Variants in ARHGAP15 observed in about 807,000 individuals in gnomAD.
ARHGAP15 encodes the protein Rho GTPase activating protein 15, also known as rho GTPase-activating protein 15.
ARHGAP15 carries 51 observed loss-of-function variants against 63.7 expected under a neutral mutation model. The ratio of observed to expected loss-of-function variants is 0.80; its 90% CI spans 0.64 to 1.01. The LOEUF is 1.01. ARHGAP15 is among the 50% of genes least tolerant of loss of function. The pLI, the probability that ARHGAP15 is intolerant of heterozygous loss-of-function variation, is 0.00. For synonymous variants in ARHGAP15, 191 were observed against 193.8 expected, an observed-to-expected ratio of 0.99 and a Z score of 0.12; for missense variants, 560 against 564.6, an observed-to-expected ratio of 0.99 and a Z score of 0.08.
At chr2:143,541,690 C>T (rs980051020) in intron 10 of ARHGAP15, among the ~76,000 whole-genome samples, 4 of 152,168 alleles carry the variant, frequency 2.6e-5, no homozygotes, top group East Asian at 3.9e-4. Flanking sequence ...TGCAGAACAG[C>T]GGATATTGGT....
chr2:143,630,057 A>G (rs1026408156), intron 12 of ARHGAP15, among the ~76,000 whole-genome samples: 10 of 152,246 alleles, frequency 6.6e-5, no homozygotes, highest in Non-Finnish European at 1.5e-4. Flanking sequence ...GTCCTATGTC[A>G]TCTTATATAA....
chr2:143,320,083 C>G (rs560169755), intron 6 of ARHGAP15, among the ~76,000 whole-genome samples: 2 of 152,330 alleles, frequency 1.3e-5, no homozygotes, highest in Admixed American at 1.3e-4. Flanking sequence ...AACGTCTCCT[C>G]TGTCCTCATC....
At chr2:143,554,373 T>C (rs1284833450) in intron 10 of ARHGAP15, among the ~76,000 whole-genome samples, 3 of 152,150 alleles carry the variant, frequency 2.0e-5, no homozygotes, top group Non-Finnish European at 2.9e-5. Flanking sequence ...ATTTGTCTGC[T>C]TCCAAATCCA....
chr2:143,236,116 T>C, intron 5 of ARHGAP15: 1 of 1,023,374 alleles, frequency 9.8e-7, no homozygotes. Context: ...TCCTACCAGG[T>C]GTCATATAAT....
chr2:143,378,465 C>A (rs1686910515), intron 6 of ARHGAP15, among the ~76,000 whole-genome samples: 1 of 151,978 alleles, frequency 6.6e-6, no homozygotes, highest in African/African-American at 2.4e-5. Context: ...CTGGATCAAA[C>A]CCAATATCTT....
chr2:143,289,511 C>A (rs891885565), intron 6 of ARHGAP15, among the ~76,000 whole-genome samples: 1 of 152,090 alleles, frequency 6.6e-6, no homozygotes, highest in African/African-American at 2.4e-5. Context: ...AATTTCAAAT[C>A]TTTGTGGAAG....
chr2:143,558,434 A>G (rs1057398330), intron 11 of ARHGAP15, among the ~76,000 whole-genome samples: 1 of 152,298 alleles, frequency 6.6e-6, no homozygotes, highest in South Asian at 2.1e-4. Flanking sequence ...ACAGTAGTAC[A>G]TTCACATCTA....
At chr2:143,132,485 G>T (rs1245529111) in intron 1 of ARHGAP15, among the ~76,000 whole-genome samples, 2 of 152,188 alleles carry the variant, frequency 1.3e-5, no homozygotes, top group Admixed American at 6.5e-5. Flanking sequence ...AGCAAACTGT[G>T]GGGAAAGAAT....
At chr2:143,220,320 A>G (rs574634003) in intron 4 of ARHGAP15, among the ~76,000 whole-genome samples, 2 of 152,006 alleles carry the variant, frequency 1.3e-5, no homozygotes, top group Admixed American at 1.3e-4. Context: ...CACCCACCTT[A>G]TGCGGGGATA....
At chr2:143,244,792 G>T (rs1451252491) in intron 5 of ARHGAP15, among the ~76,000 whole-genome samples, 2 of 152,174 alleles carry the variant, frequency 1.3e-5, no homozygotes, top group Non-Finnish European at 2.9e-5. Context: ...TTTTTGACTG[G>T]CCACAGAGGC....
intron 1 of ARHGAP15, among the ~76,000 whole-genome samples, chr2:143,137,883 A>C (rs188095546): frequency 3.3e-5 from 5 of 152,194 alleles, no homozygotes; most frequent in Non-Finnish European, 7.4e-5. Context: ...AATGGAACCC[A>C]AATTCAGCTC....
chr2:143,553,118 A>C (rs1372294991), intron 10 of ARHGAP15, among the ~76,000 whole-genome samples: 1 of 152,186 alleles, frequency 6.6e-6, no homozygotes, highest in Non-Finnish European at 1.5e-5. Flanking sequence ...TAGTCCTAGA[A>C]CTTTGGGTTT....
At chr2:143,501,682 A>G (rs1166881361) in intron 9 of ARHGAP15, among the ~76,000 whole-genome samples, 2 of 152,184 alleles carry the variant, frequency 1.3e-5, no homozygotes, top group Non-Finnish European at 2.9e-5. Flanking sequence ...AATAATTTTG[A>G]AGAAAAATAA....
intron 12 of ARHGAP15, among the ~76,000 whole-genome samples, chr2:143,663,821 G>A (rs1681981725): frequency 1.3e-5 from 2 of 152,180 alleles, no homozygotes; most frequent in Non-Finnish European, 1.5e-5. Flanking sequence ...GACAAAGAAG[G>A]CCATTACATA....
intron 6 of ARHGAP15, among the ~76,000 whole-genome samples, chr2:143,394,243 C>A (rs1034846603): frequency 2.6e-4 from 39 of 152,158 alleles, no homozygotes; most frequent in African/African-American, 9.2e-4. Context: ...TGACTCTTAG[C>A]GATGAAAGCA....
At chr2:143,330,432 A>ACAC (rs1684498056) in intron 6 of ARHGAP15, among the ~76,000 whole-genome samples, 2 of 152,114 alleles carry the variant, frequency 1.3e-5, no homozygotes, top group Non-Finnish European at 2.9e-5. Flanking sequence ...CAAATACATA[A>ACAC]AATACCCATA....
At chr2:143,510,347 T>C in intron 9 of ARHGAP15, among the ~76,000 whole-genome samples, 1 of 152,184 alleles carries the variant, frequency 6.6e-6, no homozygotes, top group East Asian at 1.9e-4. Context: ...CCATTATTTT[T>C]ATAACATAAT....
chr2:143,134,344 A>G (rs998513458), intron 1 of ARHGAP15, among the ~76,000 whole-genome samples: 10 of 152,324 alleles, frequency 6.6e-5, no homozygotes, highest in African/African-American at 1.9e-4. Flanking sequence ...CAGAAGCTTC[A>G]TTGCTTTTTC....
chr2:143,606,656 C>G (rs1160544625), intron 11 of ARHGAP15: 3 of 152,158 alleles, frequency 2.0e-5, no homozygotes, highest in Non-Finnish European at 4.4e-5. Flanking sequence ...CATCCACATG[C>G]AACCATAAAG....
Sources: allele counts gnomAD v4.1 joint callset (sites outside exome capture counted in the v4.1 genomes callset), GRCh38; gene constraint gnomAD v4.1.1; transcripts MANE v1.5; gene names NCBI Gene and HGNC (gene_info 2026-07-23, HGNC 2026-07-21).